Variants in COPB1 observed in about 807,000 individuals in gnomAD.
COPB1 encodes the protein coatomer subunit beta.
Under a neutral mutation model 108.7 loss-of-function variants are expected in COPB1, and 21 were observed. The observed-to-expected ratio is 0.19, with a 90% CI of 0.14 to 0.28. The LOEUF (loss-of-function observed/expected upper bound fraction) is 0.28, where lower values mean the gene tolerates loss of function less well. COPB1 is among the 10% of genes least tolerant of loss of function. COPB1 has a pLI of 1.00. For missense variants in COPB1, 919 were observed against 1,141.3 expected (o/e 0.81, Z 2.81); for synonymous variants, 378 against 386.8 (o/e 0.98, Z 0.27).
intron 4 of COPB1, among the ~76,000 whole-genome samples, chr11:14,490,915 G>A (rs891683396): frequency 7.9e-5 from 12 of 151,588 alleles, no homozygotes; most frequent in Non-Finnish European, 1.6e-4. Flanking sequence ...TCAGCCTCCC[G>A]AGTAGCTGCG....
intron 2 of COPB1, among the ~76,000 whole-genome samples, chr11:14,495,461 C>T (rs1488490537): frequency 6.6e-5 from 10 of 152,196 alleles, no homozygotes; most frequent in Admixed American, 6.5e-4. Flanking sequence ...GGCTATGAAA[C>T]AGAGTTCTGA....
At chr11:14,486,344 GC>G in intron 7 of COPB1, 22 bp downstream of exon 7, 2 of 1,612,710 alleles carry the variant, frequency 1.2e-6, no homozygotes, top group Non-Finnish European at 1.7e-6. Flanking sequence ...ATCTAATCTG[GC>G]CCCAAAAGAA....
intron 14 of COPB1, chr11:14,474,247 A>G (rs1850468701): frequency 3.8e-6 from 1 of 261,392 alleles, no homozygotes; most frequent in Admixed American, 4.6e-5. Flanking sequence ...TTTCTCTTCC[A>G]CTGGAATAAT....
chr11:14,491,400 T>C (rs1359169693), intron 4 of COPB1, among the ~76,000 whole-genome samples: 2 of 151,944 alleles, frequency 1.3e-5, no homozygotes, highest in African/African-American at 2.4e-5. Context: ...CCGGGCGCAG[T>C]GGCTCACACC....
chr11:14,470,915 C>T (rs1015437266), intron 14 of COPB1, among the ~76,000 whole-genome samples: 2 of 101,198 alleles, frequency 2.0e-5, no homozygotes, highest in Non-Finnish European at 4.1e-5. Flanking sequence ...CACACACACA[C>T]ACACACACAC....
chr11:14,460,757 G>A (rs1032855185), intron 19 of COPB1, among the ~76,000 whole-genome samples: 1 of 152,070 alleles, frequency 6.6e-6, no homozygotes, highest in South Asian at 2.1e-4. Context: ...GCCTGCCTCA[G>A]CCTCCCAAAG....
At chr11:14,473,140 A>G (rs1241671513) in intron 14 of COPB1, among the ~76,000 whole-genome samples, 1 of 151,934 alleles carries the variant, frequency 6.6e-6, no homozygotes, top group Non-Finnish European at 1.5e-5. Flanking sequence ...ACACCTGGCT[A>G]ATTTTTGTAT....
Position 14,470,631 on chromosome 11 carries a change from C to T in COPB1, c.1738-1068G>A, listed in dbSNP as rs149556026. ...CACATGCATGAAAAACTACTGGAGGCCTGGGAAAAACCAGCAGAAGAGTAA... is the reference window on the plus strand; with the variant it reads ...CACATGCATGAAAAACTACTGGAGGTCTGGGAAAAACCAGCAGAAGAGTAA... On this transcript the variant is annotated intron_variant, in intron 14 of 21. Transcript: ENST00000439561. Among the ~76,000 whole-genome samples the T allele has an allele frequency of 8.7e-4, 132 of 151,972 alleles. 1 individual carries two copies. Among genetic ancestry groups the T allele is most frequent in the African/African-American group, 2.9e-3 (121 of 41,404 alleles).
At chr11:14,481,986 T>A (rs1443904681) in intron 8 of COPB1, among the ~76,000 whole-genome samples, 3 of 152,056 alleles carry the variant, frequency 2.0e-5, no homozygotes, top group Admixed American at 1.3e-4. Context: ...CAGGGAGGGT[T>A]TCACCATATT....
At position 14,470,899 on chromosome 11, in the gene COPB1, TACACACACACACACACAC is replaced by T. The variant is rs56957263; in HGVS notation, c.1738-1354_1738-1337del. 1.7e-3 allele frequency among the ~76,000 whole-genome samples: 234 copies of T among 134,836 alleles called. 2 individuals carry two copies. Among genetic ancestry groups the T allele is most frequent in the South Asian group, 9.2e-3 (39 of 4,260 alleles). 88.5% of individuals were successfully genotyped at this position (134,836 alleles called of 152,430 possible). On this transcript the variant is annotated intron_variant, in intron 14 of 21. Coordinates refer to ENST00000439561, the MANE Select transcript of COPB1 (RefSeq NM_001144061.2). ...GAAAATCTAAAACCAGTGGAAGAAA[TACACACACACACACACAC>T]ACACACACACACACACACACACACA...
chr11:14,487,545 T>A (rs1850801179), intron 6 of COPB1, among the ~76,000 whole-genome samples: 1 of 151,860 alleles, frequency 6.6e-6, no homozygotes, highest in African/African-American at 2.4e-5. Flanking sequence ...TACGGTGGCG[T>A]GCACCTGTAA....
rs1485351391 is a variant in COPB1, at chr11:14,458,717, T to C, written c.2647-30A>G. 4.4e-6 allele frequency: 7 copies of C among 1,598,852 alleles called. No individual in the cohort carries two copies. The Admixed American group carries it at 1.0e-4, about 24-fold the overall frequency. ...AAAAAATTTGTGATAAATTCATTAC[T>C]TTACCAGATACCTACATAGAGGCAA... is the stretch of plus-strand genomic sequence containing the variant. On this transcript the variant is annotated intron_variant, in intron 20 of 21. Transcript: ENST00000439561.
chr11:14,462,449 G>C (rs537151702), intron 18 of COPB1, among the ~76,000 whole-genome samples: 6 of 152,196 alleles, frequency 3.9e-5, no homozygotes, highest in African/African-American at 1.4e-4. Context: ...GGCCAGGCTG[G>C]TCTTGAACTC....
intron 7 of COPB1, 115 bp from the exon 8 acceptor site, chr11:14,483,266 G>T (rs534240080): frequency 3.3e-4 from 181 of 556,648 alleles, no homozygotes; most frequent in Middle Eastern, 2.6e-3. Flanking sequence ...ACACTCCCAT[G>T]AAGCCAAAAT....
chr11:14,480,890 T>C lies in COPB1; in HGVS notation c.1081A>G (p.Lys361Glu). ...RNVEELVIVL[K>E]KEVIKTNNVS... ...TTATTTGTTTTTATCACTTCCTTCTTCAGGACAATAACCAGCTTATAGAAT... is the reference window on the plus strand; with the variant it reads ...TTATTTGTTTTTATCACTTCCTTCTCCAGGACAATAACCAGCTTATAGAAT... Residue 361 changes from lysine to glutamate, a missense_variant, in exon 10 of 22, where the codon AAG becomes GAG. Physicochemically the swap from Lys to Glu is moderately conservative, Grantham distance 56. Around this residue, in one of 5 missense-constraint regions of COPB1, gnomAD observed 705 missense variants for 817.8 expected, o/e 0.86. Coordinates refer to ENST00000439561, the MANE Select transcript of COPB1 (RefSeq NM_001144061.2). 2 of 1,613,928 alleles carry C rather than the reference T, an allele frequency of 1.2e-6. No individual in the cohort carries two copies. Among genetic ancestry groups the C allele is most frequent in the South Asian group, 2.2e-5 (2 of 91,042 alleles).
At chr11:14,488,062 G>A (rs1850816038) in intron 6 of COPB1, among the ~76,000 whole-genome samples, 1 of 152,194 alleles carries the variant, frequency 6.6e-6, no homozygotes, top group Non-Finnish European at 1.5e-5. Flanking sequence ...GGCCTACAAT[G>A]TCATATTAAT....
Position 14,458,545 on chromosome 11 carries a change from C to T in COPB1, c.2789G>A (p.Arg930His), listed in dbSNP as rs1442015985. ...AGGAACTGTTACCTGGCTCTTTGCACGAATTCTTATATGGCCGGTAACAGC... is the reference window on the plus strand; with the variant it reads ...AGGAACTGTTACCTGGCTCTTTGCATGAATTCTTATATGGCCGGTAACAGC... ...DAAVTGHIRI[R>H]AKSQGMALSL... is the part of the protein sequence containing the mutation. The change falls in exon 21 of 22, where the codon CGT (arginine) becomes CAT (histidine). Residue 930 changes from arginine (R) to histidine (H), a missense_variant. Physicochemically the swap from Arg to His is conservative, Grantham distance 29. Around this residue, in one of 5 missense-constraint regions of COPB1, gnomAD observed 705 missense variants for 817.8 expected, o/e 0.86. Transcript: ENST00000439561. 5 of 1,609,582 alleles carry T rather than the reference C, an allele frequency of 3.1e-6. No homozygotes were observed. Among genetic ancestry groups the T allele is most frequent in the Non-Finnish European group, 8.5e-7 (1 of 1,178,650 alleles).
At position 14,476,946 on chromosome 11, in the gene COPB1, C is replaced by A; in HGVS notation, c.1428G>T (p.Met476Ile). Residue 476 changes from methionine to isoleucine, a missense_variant, in exon 12 of 22, where the codon ATG (methionine) becomes ATT (isoleucine). Coordinates refer to ENST00000439561, the MANE Select transcript of COPB1 (RefSeq NM_001144061.2). ...CTCCAAGGGACCTGCGGATCTCAGT[C>A]ATCACACTCTGAATGTCTTCCTTGG... Reference protein sequence around the residue: ...CSTKEDIQSVMTEIRRSLGEI... With the variant: ...CSTKEDIQSVITEIRRSLGEI... 1 of 1,611,572 alleles carries A rather than the reference C, an allele frequency of 6.2e-7. No homozygotes were observed. Among genetic ancestry groups the A allele is most frequent in the Non-Finnish European group, 8.5e-7 (1 of 1,177,726 alleles).
At chr11:14,461,439 T>G in intron 18 of COPB1, 108 bp from the exon 19 acceptor site, 3 of 1,140,258 alleles carry the variant, frequency 2.6e-6, no homozygotes, top group Non-Finnish European at 3.7e-6. Flanking sequence ...ATAAGATTGT[T>G]TATATAATAC....
Sources: gnomAD v4.1 joint callset for allele counts (sites outside exome capture counted in the v4.1 genomes callset) on GRCh38, gnomAD v4.1.1 for gene constraint, gnomAD v4.1.1 regional missense constraint, MANE v1.5 for transcripts, NCBI Gene and HGNC (gene_info 2026-07-23, HGNC 2026-07-21) for gene names.